SIGLEC5: variants seen among roughly 807,000 people sequenced by gnomAD.
SIGLEC5 encodes sialic acid binding Ig like lectin 5.
Under a neutral mutation model 45.9 loss-of-function variants are expected in SIGLEC5, and 34 were observed. The observed-to-expected ratio is 0.74, with a 90% CI of 0.56 to 0.99. The LOEUF is 0.99. Ranked by LOEUF, SIGLEC5 falls within the 50% of genes least tolerant of loss-of-function variation. The probability of loss-of-function intolerance (pLI) is 0.00; values close to 1 mark genes in which losing one functional copy is unlikely to be tolerated. For synonymous variants in SIGLEC5, 203 were observed against 258.6 expected, an observed-to-expected ratio of 0.79 and a Z score of 2.06; for missense variants, 508 against 629.6, an observed-to-expected ratio of 0.81 and a Z score of 2.07.
At chr19:51,618,212 T>TAAATACCAGC (rs1204897327) in intron 8 of SIGLEC5, among the ~76,000 whole-genome samples, 2 of 151,822 alleles carry the variant, frequency 1.3e-5, no homozygotes, top group East Asian at 3.8e-4. Context: ...GTAACCATAA[T>TAAATACCAGC]AAATACCAGC....
In SIGLEC5 at chr19:51,630,328, G is replaced by C; in HGVS notation, c.8C>G (p.Pro3Arg). 7 of 802,814 alleles carry C rather than the reference G, an allele frequency of 8.7e-6. No individual in the cohort carries two copies. Among genetic ancestry groups the C allele is most frequent in the Non-Finnish European group, 1.2e-5 (7 of 560,216 alleles). The allele number at this position is 802,814 out of a possible 1,614,324, so 49.7% of individuals were successfully genotyped here. Residue 3 changes from proline to arginine, a missense_variant, in exon 1 of 9, where the codon CCC (proline) becomes CGC (arginine). Coordinates refer to ENST00000683636, the MANE Select transcript of SIGLEC5 (RefSeq NM_003830.4). ...CCACAGCAGGGGCAGCAGCAGCAGG[G>C]GCAGCATGTCTCCATCCGCCAGGGC... Reference protein sequence around the residue: MLPLLLLPLLWGG... With the variant: MLRLLLLPLLWGG...
In SIGLEC5 at chr19:51,628,008, G is replaced by T; in HGVS notation, c.823C>A (p.Pro275Thr). The change falls in exon 5 of 9, where the codon CCC becomes ACC. Residue 275 changes from proline to threonine, a missense_variant. By Grantham distance (38) the Pro-to-Thr change is conservative. Transcript: ENST00000683636. ...LRLLCDAPSN[P>T]PAHLSWFQGS... is the part of the protein sequence containing the mutation. ...TGGAACCAGCTCAGGTGTGCAGGGG[G>T]GTTGCTGGGAGCATCACAGAGCAGC... The T allele has an allele frequency of 1.2e-6, 2 of 1,610,732 alleles. No homozygotes were observed. Among genetic ancestry groups the T allele is most frequent in the African/African-American group, 1.3e-5 (1 of 74,856 alleles).
intron 8 of SIGLEC5, among the ~76,000 whole-genome samples, chr19:51,616,534 C>A (rs1159997203): frequency 6.6e-6 from 1 of 151,992 alleles, no homozygotes; most frequent in African/African-American, 2.4e-5. Flanking sequence ...GCTAGAAGGG[C>A]CGTCAGAAGT....
Position 51,627,149 on chromosome 19 carries a change from A to T in SIGLEC5, c.1382T>A (p.Ile461Lys). The change falls in exon 7 of 9, where the codon ATA becomes AAA. Residue 461 changes from isoleucine (I) to lysine (K), a missense_variant and splice_region_variant. Ile to Lys is a moderately radical substitution (Grantham distance 102, BLOSUM62 -3). Coordinates refer to ENST00000683636, the MANE Select transcript of SIGLEC5 (RefSeq NM_003830.4). Reference protein sequence around the residue: ...CICLCLIFFLIVKARRKQAAG... With the variant: ...CICLCLIFFLKVKARRKQAAG... ...TACCTTCCCTGGGACCAAGACTTAC[A>T]TTAAAAAGAAGATGAGGCACAGACA... The T allele has an allele frequency of 1.9e-6, 3 of 1,612,830 alleles. No individual in the cohort carries two copies. The highest frequency in any genetic ancestry group is 2.5e-6 in the Non-Finnish European group (3 of 1,178,890).
Position 51,629,059 on chromosome 19 carries a change from T to A in SIGLEC5, c.718A>T (p.Thr240Ser), listed in dbSNP as rs1337293472. 3 of 1,613,834 alleles carry A rather than the reference T, an allele frequency of 1.9e-6. No individual in the cohort carries two copies. The highest frequency in any genetic ancestry group is 3.3e-5 in the Admixed American group (2 of 59,982). The change falls in exon 4 of 9, where the codon ACC becomes TCC. Residue 240 changes from threonine to serine, a missense_variant. Physicochemically the swap from Thr to Ser is moderately conservative, Grantham distance 58. This residue lies in a region of SIGLEC5 where 431 missense variants were observed against 428.8 expected (regional missense o/e 1.01). Coordinates refer to ENST00000683636, the MANE Select transcript of SIGLEC5 (RefSeq NM_003830.4). ...LNVSYAPQTI[T>S]IFRNGIALEI... is the part of the protein sequence containing the mutation. ...CTACCTATGCCGTTCCTGAAGATGG[T>A]GATGGTCTGTGGAGCATCTGGGATA... is the stretch of plus-strand genomic sequence containing the variant.
At chr19:51,617,899 TGAAG>T (rs1243194494) in intron 8 of SIGLEC5, among the ~76,000 whole-genome samples, 2 of 151,922 alleles carry the variant, frequency 1.3e-5, no homozygotes, top group African/African-American at 4.8e-5. Flanking sequence ...TGTAAAGAGT[TGAAG>T]GAAGAGAGGC....
chr19:51,624,075 C>T (rs1359918383), intron 8 of SIGLEC5, among the ~76,000 whole-genome samples: 1 of 152,018 alleles, frequency 6.6e-6, no homozygotes, highest in Non-Finnish European at 1.5e-5. Flanking sequence ...AGGAGAGTTG[C>T]TTGAACCCGG....
chr19:51,615,347 G>A (rs2122614824), intron 8 of SIGLEC5, among the ~76,000 whole-genome samples: 1 of 152,336 alleles, frequency 6.6e-6, no homozygotes, highest in Non-Finnish European at 1.5e-5. Flanking sequence ...TGGGCGGGGG[G>A]ACAGCTGGCT....
intron 8 of SIGLEC5, among the ~76,000 whole-genome samples, chr19:51,618,443 T>TAAAAAAAAAAAA (rs1228951315): frequency 1.6e-4 from 8 of 49,452 alleles, no homozygotes; most frequent in Non-Finnish European, 2.0e-4. Flanking sequence ...AGACCCTGCC[T>TAAAAAAAAAAAA]AAAAAAAAAA....
chr19:51,622,885 T>A (rs1029362545), intron 8 of SIGLEC5, among the ~76,000 whole-genome samples: 3 of 152,230 alleles, frequency 2.0e-5, no homozygotes, highest in African/African-American at 7.2e-5. Context: ...TTTCTGTGCC[T>A]GCCTTATTTC....
At chr19:51,628,669 CGTGT>C (rs1294926753) in intron 4 of SIGLEC5, among the ~76,000 whole-genome samples, 7 of 147,216 alleles carry the variant, frequency 4.8e-5, no homozygotes, top group African/African-American at 1.5e-4. Context: ...TGCATGTGTG[CGTGT>C]GTATGTGCAT....
At chr19:51,618,369 A>C (rs1983143335) in intron 8 of SIGLEC5, among the ~76,000 whole-genome samples, 1 of 150,614 alleles carries the variant, frequency 6.6e-6, no homozygotes, top group African/African-American at 2.4e-5. Context: ...ACTAATCAAT[A>C]AGAAACTAGA....
rs1224530189 is a variant in SIGLEC5, at chr19:51,627,501, T to C, written c.1243A>G (p.Ile415Val). Residue 415 changes from isoleucine to valine, a missense_variant, in exon 6 of 9, where the codon ATC becomes GTC. Around this residue, in one of 2 missense-constraint regions of SIGLEC5, gnomAD observed 431 missense variants for 428.8 expected, o/e 1.01. Coordinates refer to ENST00000683636, the MANE Select transcript of SIGLEC5 (RefSeq NM_003830.4). Reference sequence around the variant, plus strand: ...ACAGAGCCGCTCTGGGACCCATAGATGTTCCAGGCCTTGCAGCTGACTTTG... The same window carrying C: ...ACAGAGCCGCTCTGGGACCCATAGACGTTCCAGGCCTTGCAGCTGACTTTG... ...DLKVSCKAWN[I>V]YGSQSGSVLL... The C allele has an allele frequency of 6.8e-6, 11 of 1,614,014 alleles. No individual in the cohort carries two copies. Among genetic ancestry groups the C allele is most frequent in the Non-Finnish European group, 9.3e-6 (11 of 1,179,998 alleles).
At chr19:51,615,319 G>C (rs1013687193) in intron 8 of SIGLEC5, among the ~76,000 whole-genome samples, 4 of 151,760 alleles carry the variant, frequency 2.6e-5, no homozygotes, top group Non-Finnish European at 5.9e-5. Flanking sequence ...CTCATTTGAA[G>C]AAAAGGGGTG....
intron 8 of SIGLEC5, among the ~76,000 whole-genome samples, chr19:51,612,726 G>A (rs1982904408): frequency 6.6e-6 from 1 of 152,154 alleles, no homozygotes; most frequent in African/African-American, 2.4e-5. Flanking sequence ...CATAGGCTGC[G>A]CAGATATACT....
chr19:51,615,374 T>G (rs541665914), intron 8 of SIGLEC5, among the ~76,000 whole-genome samples: 112 of 152,314 alleles, frequency 7.4e-4, no homozygotes, highest in African/African-American at 2.6e-3. Context: ...GAGGATGGGT[T>G]AGCCCAAACA....
Position 51,627,526 on chromosome 19 carries a change from G to A in SIGLEC5, c.1218C>T (p.Leu406=). ...TGTTCCAGGCCTTGCAGCTGACTTT[G>A]AGGTCGGAGCTGAGCCCCCCGTGGA... is the stretch of plus-strand genomic sequence containing the variant. ...LILHGGLSSD[L]KVSCKAWNIY... The change falls in exon 6 of 9, where the codon CTC becomes CTT. Residue 406 remains leucine, a synonymous_variant. Coordinates refer to ENST00000683636, the MANE Select transcript of SIGLEC5 (RefSeq NM_003830.4). 6.2e-7 allele frequency: 1 copy of A among 1,614,072 alleles called. No homozygotes were observed. The highest frequency in any genetic ancestry group is 8.5e-7 in the Non-Finnish European group (1 of 1,180,030).
chr19:51,629,126 G>C, intron 3 of SIGLEC5, 50 bp from the exon 4 acceptor site: 1 of 1,598,724 alleles, frequency 6.3e-7, no homozygotes, highest in Non-Finnish European at 8.6e-7. Context: ...AGTGAGATGG[G>C]CATGGGCCCA....
intron 8 of SIGLEC5, among the ~76,000 whole-genome samples, chr19:51,621,966 AAAAATATTT>A (rs1364188777): frequency 6.6e-6 from 1 of 152,212 alleles, no homozygotes; most frequent in Non-Finnish European, 1.5e-5. Context: ...TAAAACACTT[AAAAATATTT>A]AAAGGAATAG....
Sources: allele counts gnomAD v4.1 joint callset (sites outside exome capture counted in the v4.1 genomes callset), GRCh38; gene constraint gnomAD v4.1.1; regional missense constraint gnomAD v4.1.1; transcripts MANE v1.5; gene names NCBI Gene and HGNC (gene_info 2026-07-23, HGNC 2026-07-21).